HTR1F: variants seen among roughly 807,000 people sequenced by gnomAD.
HTR1F encodes 5-hydroxytryptamine receptor 1F.
HTR1F carries 17 observed loss-of-function variants against 24.0 expected under a neutral mutation model. That is an observed-to-expected ratio of 0.71 (90% confidence interval 0.48 to 1.06). The LOEUF is 1.06. Ranked by LOEUF, HTR1F falls within the 50% of genes least tolerant of loss-of-function variation. HTR1F has a pLI of 0.00. For synonymous variants in HTR1F, 186 were observed against 156.8 expected (o/e 1.19, Z -1.39); for missense variants, 391 against 427.8 (o/e 0.91, Z 0.76).
intron 2 of HTR1F, among the ~76,000 whole-genome samples, chr3:87,981,324 A>T (rs1705538326): frequency 6.6e-6 from 1 of 152,144 alleles, no homozygotes; most frequent in African/African-American, 2.4e-5. Flanking sequence ...CCTCCTGAGT[A>T]GCTGGGACTA....
intron 2 of HTR1F, among the ~76,000 whole-genome samples, chr3:87,976,402 C>A (rs1456821806): frequency 6.6e-6 from 1 of 152,046 alleles, no homozygotes; most frequent in Non-Finnish European, 1.5e-5. Flanking sequence ...AAAAAAAAAT[C>A]TAGCTGGACA....
intron 2 of HTR1F, among the ~76,000 whole-genome samples, chr3:87,956,373 C>T (rs773117328): frequency 4.6e-5 from 7 of 151,268 alleles, no homozygotes; most frequent in South Asian, 2.1e-4. Flanking sequence ...ATTGCTATGA[C>T]GTATATCTCT....
chr3:87,924,962 A>G (rs905413273), intron 2 of HTR1F, among the ~76,000 whole-genome samples: 2 of 151,978 alleles, frequency 1.3e-5, no homozygotes, highest in African/African-American at 4.8e-5. Context: ...TAGGTTTACT[A>G]TACTTTCTTA....
At chr3:87,799,000 C>A (rs1235355285) in intron 1 of HTR1F, among the ~76,000 whole-genome samples, 1 of 151,898 alleles carries the variant, frequency 6.6e-6, no homozygotes, top group African/African-American at 2.4e-5. Flanking sequence ...TTGAGAGTCT[C>A]AAAACAAAAA....
chr3:87,849,668 G>A (rs1247086385), intron 2 of HTR1F, among the ~76,000 whole-genome samples: 1 of 151,860 alleles, frequency 6.6e-6, no homozygotes, highest in Admixed American at 6.6e-5. Flanking sequence ...AGAGTGAACA[G>A]GCAACCTACA....
chr3:87,802,602 C>T (rs1704012627), intron 1 of HTR1F, among the ~76,000 whole-genome samples: 1 of 151,960 alleles, frequency 6.6e-6, no homozygotes. Context: ...TGCCTCAGCA[C>T]CCCCTCAAAC....
rs1704371641 is a variant in HTR1F at position 87,822,123 on chromosome 3, T to A, written c.-44T>A. Among the ~76,000 whole-genome samples, 1 of 152,048 alleles carries A rather than the reference T, an allele frequency of 6.6e-6. No individual in the cohort carries two copies. Among genetic ancestry groups the A allele is most frequent in the African/African-American group, 2.4e-5 (1 of 41,394 alleles). On this transcript the variant is annotated splice_region_variant and 5_prime_UTR_variant, in exon 2 of 3. The change abolishes an upstream ATG in the 5' untranslated region. Transcript: ENST00000319595. ...ACCCACAATTCAATCTACCACAGTA[T>A]GGTAAGCATTCCCAGCTTTAAACCA... is the stretch of plus-strand genomic sequence containing the variant.
At chr3:87,813,893 C>T (rs1704202729) in intron 1 of HTR1F, among the ~76,000 whole-genome samples, 1 of 152,120 alleles carries the variant, frequency 6.6e-6, no homozygotes, top group Admixed American at 6.5e-5. Flanking sequence ...GCCTCCCCAG[C>T]CATGTGGAAC....
At chr3:87,894,415 C>T (rs561589429) in intron 2 of HTR1F, among the ~76,000 whole-genome samples, 41 of 152,062 alleles carry the variant, frequency 2.7e-4, no homozygotes, top group African/African-American at 8.2e-4. Flanking sequence ...CACCACCATG[C>T]CTGGGTAATT....
At chr3:87,870,145 A>G (rs937403762) in intron 2 of HTR1F, among the ~76,000 whole-genome samples, 1 of 152,124 alleles carries the variant, frequency 6.6e-6, no homozygotes, top group Non-Finnish European at 1.5e-5. Context: ...TACATACTTC[A>G]TAACTAAAAA....
At chr3:87,831,802 C>T (rs772904641) in intron 2 of HTR1F, among the ~76,000 whole-genome samples, 1 of 152,102 alleles carries the variant, frequency 6.6e-6, no homozygotes, top group Non-Finnish European at 1.5e-5. Context: ...TCAGCCTTGC[C>T]GTCTGATTGG....
At chr3:87,882,964 C>T (rs1036327222) in intron 2 of HTR1F, among the ~76,000 whole-genome samples, 3 of 152,176 alleles carry the variant, frequency 2.0e-5, no homozygotes, top group East Asian at 1.9e-4. Context: ...CCCAGGATGG[C>T]GTTGGAGCTC....
chr3:87,843,020 C>G (rs536069187), intron 2 of HTR1F, among the ~76,000 whole-genome samples: 1 of 151,774 alleles, frequency 6.6e-6, no homozygotes, highest in Non-Finnish European at 1.5e-5. Flanking sequence ...CTTGTGTGAC[C>G]TCTATCTTCA....
In HTR1F at chr3:87,935,858, A is replaced by AT. The variant is rs370693153; in HGVS notation, c.-42-54839dup. ...AATAACATTTCCCCACATTTTTAGG[A>AT]TTTTTTTTTTTAGATGGAGTCTCGC... On this transcript the variant is annotated intron_variant, in intron 2 of 2. Transcript: ENST00000319595. Among the ~76,000 whole-genome samples the AT allele has an allele frequency of 2.7e-3, 394 of 148,214 alleles. 1 individual carries two copies. The highest frequency in any genetic ancestry group is 0.01 in the East Asian group (51 of 5,068).
chr3:87,926,539 A>T (rs1368449834), intron 2 of HTR1F, among the ~76,000 whole-genome samples: 1 of 152,184 alleles, frequency 6.6e-6, no homozygotes, highest in Admixed American at 6.6e-5. Flanking sequence ...TAGACAAAGC[A>T]TCAATGCCTA....
chr3:87,878,334 CAGA>C (rs1274730538), intron 2 of HTR1F, among the ~76,000 whole-genome samples: 3 of 152,108 alleles, frequency 2.0e-5, no homozygotes, highest in Non-Finnish European at 2.9e-5. Flanking sequence ...GCAGCAATCC[CAGA>C]AGAAGCCTGG....
At chr3:87,834,238 T>C (rs1218717830) in intron 2 of HTR1F, among the ~76,000 whole-genome samples, 1 of 152,198 alleles carries the variant, frequency 6.6e-6, no homozygotes, top group Non-Finnish European at 1.5e-5. Context: ...ATACTGTGTG[T>C]GTATTCATAT....
chr3:87,878,283 T>C lies in HTR1F; in HGVS notation c.-43+56159T>C, dbSNP rs141783739. 8.9e-4 allele frequency among the ~76,000 whole-genome samples: 135 copies of C among 152,210 alleles called. 1 individual carries two copies. The East Asian group carries it at 0.023, about 26-fold the overall frequency. ...AGTATTAAATCATCTTGAAGAAAAA[T>C]AGATGTTACTTAGGACTGTTGGACT... On this transcript the variant is annotated intron_variant, in intron 2 of 2. Coordinates refer to ENST00000319595, the MANE Select transcript of HTR1F (RefSeq NM_001322209.2).
At chr3:87,910,458 C>A (rs1452755672) in intron 2 of HTR1F, 6 of 151,582 alleles carry the variant, frequency 4.0e-5, no homozygotes, top group Admixed American at 2.0e-4. Flanking sequence ...ACAGAAGCAC[C>A]CAGATTCCTA....
Sources: gnomAD v4.1 joint callset for allele counts (sites outside exome capture counted in the v4.1 genomes callset) on GRCh38, gnomAD v4.1.1 for gene constraint, MANE v1.5 for transcripts, NCBI Gene and HGNC (gene_info 2026-07-23, HGNC 2026-07-21) for gene names.